The following EDA variants were observed in gnomAD, a reference collection of about 807,000 sequenced individuals.
EDA encodes ectodysplasin-A.
Under a neutral mutation model 23.6 loss-of-function variants are expected in EDA, and 2 were observed. The ratio of observed to expected loss-of-function variants is 0.08; its 90% CI spans 0.03 to 0.27. EDA has a LOEUF of 0.27. Ranked by LOEUF, EDA falls within the 10% of genes least tolerant of loss-of-function variation. The pLI is 1.00. For missense variants in EDA, 229 were observed against 324.2 expected (o/e 0.71, Z 2.26); for synonymous variants, 131 against 132.0 (o/e 0.99, Z 0.05).
chrX:69,789,174 T>C (rs2015316751), intron 1 of EDA, among the ~76,000 whole-genome samples: 1 of 111,979 alleles, frequency 8.9e-6, no homozygotes, highest in Non-Finnish European at 1.9e-5. Flanking sequence ...GTGCACCCAC[T>C]GACCTGCGCC....
chrX:69,715,293 C>T (rs2147335345), intron 1 of EDA, among the ~76,000 whole-genome samples: 1 of 110,028 alleles, frequency 9.1e-6, no homozygotes, highest in East Asian at 2.8e-4. Flanking sequence ...TCTTTGTGTC[C>T]GTGTGTTCTC....
At chrX:69,791,921 C>T (rs1212419490) in intron 1 of EDA, among the ~76,000 whole-genome samples, 1 of 112,151 alleles carries the variant, frequency 8.9e-6, no homozygotes, top group East Asian at 2.8e-4. Flanking sequence ...GGATTCCAGG[C>T]GTGAGCCACT....
intron 1 of EDA, among the ~76,000 whole-genome samples, chrX:69,834,204 T>C (rs976030439): frequency 2.7e-5 from 3 of 110,744 alleles, no homozygotes; most frequent in Admixed American, 1.9e-4. Context: ...GAGAGTTCTG[T>C]AGATGTCTAT....
intron 1 of EDA, among the ~76,000 whole-genome samples, chrX:69,682,954 A>T (rs1418536770): frequency 1.8e-5 from 2 of 111,457 alleles, no homozygotes; most frequent in African/African-American, 6.5e-5. Context: ...GAATCACATA[A>T]TGGTTAAGAA....
chrX:69,894,198 G>A (rs1344771940), intron 1 of EDA, among the ~76,000 whole-genome samples: 1 of 111,257 alleles, frequency 9.0e-6, no homozygotes, highest in Non-Finnish European at 1.9e-5. Context: ...CGACTTTGTT[G>A]AAGATCAGAT....
intron 1 of EDA, among the ~76,000 whole-genome samples, chrX:69,865,450 G>A (rs1035286724): frequency 3.6e-5 from 4 of 111,019 alleles, no homozygotes; most frequent in African/African-American, 1.3e-4. Flanking sequence ...GAAGCATCCA[G>A]CACGAGAGAA....
At chrX:69,704,507 A>C (rs756753851) in intron 1 of EDA, among the ~76,000 whole-genome samples, 1 of 110,102 alleles carries the variant, frequency 9.1e-6, no homozygotes, top group African/African-American at 3.3e-5. Flanking sequence ...TGAATTTCAA[A>C]AGGGGGGAGG....
intron 1 of EDA, among the ~76,000 whole-genome samples, chrX:69,928,100 TAA>T (rs1465308312): frequency 9.9e-5 from 11 of 111,377 alleles, no homozygotes; most frequent in Non-Finnish European, 1.9e-5. Flanking sequence ...AATTTAGAGG[TAA>T]GTGGCATGCT....
intron 1 of EDA, among the ~76,000 whole-genome samples, chrX:69,848,605 A>G (rs1355456825): frequency 1.8e-5 from 2 of 111,791 alleles, no homozygotes; most frequent in Admixed American, 1.9e-4. Flanking sequence ...ATGCCCATCA[A>G]GCCTATTCAG....
chrX:69,786,247 G>C (rs1239849107), intron 1 of EDA, among the ~76,000 whole-genome samples: 2 of 111,112 alleles, frequency 1.8e-5, no homozygotes, highest in Non-Finnish European at 3.8e-5. Context: ...CCCAGCGCCT[G>C]GATTCATTAA....
chrX:69,665,470 T>C (rs1289405015), intron 1 of EDA, among the ~76,000 whole-genome samples: 2 of 111,896 alleles, frequency 1.8e-5, no homozygotes, highest in Non-Finnish European at 3.8e-5. Flanking sequence ...CTTTTATCCA[T>C]TTGAATTTAT....
chrX:69,990,525 A>T (rs1252554862), intron 2 of EDA, among the ~76,000 whole-genome samples: 2 of 108,486 alleles, frequency 1.8e-5, no homozygotes, highest in African/African-American at 3.6e-5. Flanking sequence ...GCCTTCTCTG[A>T]TACCACATCA....
At chrX:69,858,920 G>T (rs1016971617) in intron 1 of EDA, among the ~76,000 whole-genome samples, 4 of 111,314 alleles carry the variant, frequency 3.6e-5, no homozygotes, top group African/African-American at 1.3e-4. Flanking sequence ...CTTGTTATTG[G>T]TCTGTTCAGG....
intron 1 of EDA, among the ~76,000 whole-genome samples, chrX:69,888,031 G>C (rs1341930916): frequency 2.7e-5 from 3 of 111,723 alleles, no homozygotes; most frequent in Non-Finnish European, 5.6e-5. Flanking sequence ...AGAATACTTT[G>C]ATAATGTAAT....
At chrX:70,002,631 A>G (rs1431626319) in intron 2 of EDA, among the ~76,000 whole-genome samples, 1 of 112,117 alleles carries the variant, frequency 8.9e-6, no homozygotes, top group Non-Finnish European at 1.9e-5. Flanking sequence ...GCAGATGATG[A>G]ATCATTTAGT....
At chrX:69,755,176 TC>T (rs1272747357) in intron 1 of EDA, among the ~76,000 whole-genome samples, 1 of 111,919 alleles carries the variant, frequency 8.9e-6, no homozygotes, top group Non-Finnish European at 1.9e-5. Context: ...CTCTGGTTTC[TC>T]CCCGTCTTTG....
intron 1 of EDA, among the ~76,000 whole-genome samples, chrX:69,874,058 C>A (rs1370620985): frequency 2.7e-5 from 3 of 112,224 alleles, no homozygotes; most frequent in African/African-American, 9.7e-5. Flanking sequence ...CGCCTGTAAT[C>A]CCAACACTTT....
intron 1 of EDA, among the ~76,000 whole-genome samples, chrX:69,690,960 G>A (rs1167414209): frequency 9.0e-6 from 1 of 111,607 alleles, no homozygotes; most frequent in Non-Finnish European, 1.9e-5. Flanking sequence ...GTATGTTTAT[G>A]GTTAATAGTA....
At chrX:69,667,393 G>A (rs766721093) in intron 1 of EDA, among the ~76,000 whole-genome samples, 6 of 110,662 alleles carry the variant, frequency 5.4e-5, no homozygotes, top group South Asian at 3.9e-4. Context: ...GATTACAGGC[G>A]TGAGCCACCG....
Sources: allele counts gnomAD v4.1 joint callset (sites outside exome capture counted in the v4.1 genomes callset), GRCh38; gene constraint gnomAD v4.1.1; transcripts MANE v1.5; gene names NCBI Gene and HGNC (gene_info 2026-07-23, HGNC 2026-07-21).